GPR107: variants seen among roughly 807,000 people sequenced by gnomAD.
GPR107 encodes G protein-coupled receptor 107.
In GPR107, 31 loss-of-function variants were observed where a neutral mutation model predicts 75.5. That is an observed-to-expected ratio of 0.41 (90% CI 0.31 to 0.55). The LOEUF is 0.55. GPR107 is among the 20% of genes least tolerant of loss of function. GPR107 has a pLI of 0.26. For synonymous variants in GPR107, 267 were observed against 251.3 expected, an observed-to-expected ratio of 1.06 and a Z score of -0.59; for missense variants, 572 against 665.7, an observed-to-expected ratio of 0.86 and a Z score of 1.55.
intron 1 of GPR107, among the ~76,000 whole-genome samples, chr9:130,072,379 C>T (rs1396103106): frequency 6.6e-6 from 1 of 151,980 alleles, no homozygotes; most frequent in African/African-American, 2.4e-5. Flanking sequence ...GCCACCTCGC[C>T]CAGCTAATTT....
intron 2 of GPR107, among the ~76,000 whole-genome samples, chr9:130,076,116 T>C (rs544526656): frequency 6.4e-4 from 97 of 152,334 alleles, no homozygotes; most frequent in African/African-American, 2.3e-3. Context: ...GAGAGTCACC[T>C]TCCAACCCCA....
At chr9:130,059,973 C>G (rs959622932) in intron 1 of GPR107, among the ~76,000 whole-genome samples, 9 of 151,816 alleles carry the variant, frequency 5.9e-5, no homozygotes, top group Non-Finnish European at 1.2e-4. Flanking sequence ...CTCCTGACCT[C>G]AGGTGATTTA....
Position 130,112,273 on chromosome 9 carries a change from G to C in GPR107, c.1306+4734G>C, listed in dbSNP as rs1301495860. On this transcript the variant is annotated intron_variant, in intron 14 of 17. Coordinates refer to ENST00000347136, the MANE Select transcript of GPR107 (RefSeq NM_020960.5). The surrounding 1 kb of genome is among the most constrained non-coding windows in gnomAD (Gnocchi z 4.0). The stretch of plus-strand genomic sequence containing the variant: ...TGGAGGAACGGCTTCATTCCGAGGT[G>C]CCGCCGTGCTCTGAAAGGAGCCGCG... Among the ~76,000 whole-genome samples the C allele has an allele frequency of 3.3e-5, 5 of 152,240 alleles. No individual in the cohort carries two copies. The highest frequency in any genetic ancestry group is 7.3e-5 in the Non-Finnish European group (5 of 68,046).
intron 1 of GPR107, among the ~76,000 whole-genome samples, chr9:130,074,447 A>G (rs1426292564): frequency 1.3e-5 from 2 of 152,198 alleles, no homozygotes; most frequent in Non-Finnish European, 2.9e-5. Flanking sequence ...AAATCTCAAT[A>G]TAAAAATTGT....
intron 15 of GPR107, among the ~76,000 whole-genome samples, chr9:130,126,732 G>A (rs1259615177): frequency 1.3e-5 from 2 of 152,108 alleles, no homozygotes; most frequent in African/African-American, 2.4e-5. Context: ...GACTTCAGTG[G>A]TAGAGAGAGA....
At chr9:130,082,615 G>A (rs996636584) in intron 5 of GPR107, among the ~76,000 whole-genome samples, 6 of 151,638 alleles carry the variant, frequency 4.0e-5, no homozygotes, top group Admixed American at 6.6e-5. Context: ...GAGTAACTGG[G>A]ACTATAGGCA....
chr9:130,084,449 G>A (rs561605685), intron 6 of GPR107, among the ~76,000 whole-genome samples: 3 of 147,670 alleles, frequency 2.0e-5, no homozygotes, highest in Non-Finnish European at 4.4e-5. Context: ...CTATTTTGGG[G>A]GAGAGCATTG....
chr9:130,128,099 T>G (rs1831727877), intron 16 of GPR107, among the ~76,000 whole-genome samples: 1 of 152,208 alleles, frequency 6.6e-6, no homozygotes, highest in Non-Finnish European at 1.5e-5. Flanking sequence ...CATTCTTGAT[T>G]TTAGTTTTCA....
chr9:130,102,532 A>T lies in GPR107; in HGVS notation c.1131+1309A>T, dbSNP rs143090751. On this transcript the variant is annotated intron_variant, in intron 12 of 17. Coordinates refer to ENST00000347136, the MANE Select transcript of GPR107 (RefSeq NM_020960.5). ...GGACATTTAACAAATTAAGAAAGTC[A>T]TGAGTATTTAGACAATAGAACTAGT... 3.9e-5 allele frequency among the ~76,000 whole-genome samples: 6 copies of T among 152,342 alleles called. No individual in the cohort carries two copies. In the East Asian group the frequency reaches 1.2e-3, roughly 29 times the overall value.
At chr9:130,060,692 G>A (rs1056591302) in intron 1 of GPR107, among the ~76,000 whole-genome samples, 1 of 152,148 alleles carries the variant, frequency 6.6e-6, no homozygotes, top group Non-Finnish European at 1.5e-5. Context: ...TGCTGCAAAT[G>A]AGCAAGTGGA....
chr9:130,116,189 G>A (rs75891532), intron 14 of GPR107, among the ~76,000 whole-genome samples: 4,052 of 152,230 alleles, frequency 0.027, 80 homozygotes, highest in Middle Eastern at 0.041. Context: ...TAAAGTGTTG[G>A]GAATCTAGAA....
chr9:130,137,638 G>A lies in GPR107; in HGVS notation c.*2517G>A, dbSNP rs368476468. On this transcript the variant is annotated 3_prime_UTR_variant, in exon 18 of 18. Transcript: ENST00000347136. ...TGAAGCTCTCCATCCTGTTCTGTGA[G>A]TGTGTCTTCTCTTTCTCCTTCACGT... The A allele has an allele frequency of 1.3e-5, 2 of 152,248 alleles. No homozygotes were observed. The highest frequency in any genetic ancestry group is 3.8e-4 in the East Asian group (2 of 5,206). The allele number at this position is 152,248 out of a possible 1,614,324, so 9.4% of individuals were successfully genotyped here.
intron 5 of GPR107, chr9:130,083,191 G>C (rs1830534537): frequency 6.5e-6 from 1 of 153,490 alleles, no homozygotes; most frequent in South Asian, 2.0e-4. Flanking sequence ...AAAGTGTTGG[G>C]ATTGCAGGCA....
intron 1 of GPR107, among the ~76,000 whole-genome samples, chr9:130,075,115 G>A (rs1830310828): frequency 6.6e-6 from 1 of 152,072 alleles, no homozygotes; most frequent in African/African-American, 2.4e-5. Flanking sequence ...TTGGATTTCC[G>A]ATGAGTTGTC....
intron 9 of GPR107, among the ~76,000 whole-genome samples, chr9:130,094,157 G>T (rs1830806675): frequency 6.6e-6 from 1 of 152,076 alleles, no homozygotes; most frequent in African/African-American, 2.4e-5. Context: ...AAATTATCCA[G>T]TTGTGGGCTG....
chr9:130,119,426 C>T (rs1211667277), intron 14 of GPR107, among the ~76,000 whole-genome samples: 2 of 152,204 alleles, frequency 1.3e-5, no homozygotes, highest in East Asian at 1.9e-4. Flanking sequence ...GCCAACTGCT[C>T]ACTGCGAGCC....
chr9:130,076,491 T>C, intron 3 of GPR107, 29 bp downstream of exon 3: 5 of 1,368,914 alleles, frequency 3.7e-6, no homozygotes, highest in Non-Finnish European at 5.2e-6. Context: ...ACCTGATTCA[T>C]CTCTTCACCT....
Position 130,136,626 on chromosome 9 carries a change from G to A in GPR107, c.*1505G>A, listed in dbSNP as rs192265775. 8 of 152,340 alleles carry A rather than the reference G, an allele frequency of 5.3e-5. No individual in the cohort carries two copies. The East Asian group carries it at 1.3e-3, about 26-fold the overall frequency. 9.4% of individuals were successfully genotyped at this position (152,340 alleles called of 1,614,324 possible). On this transcript the variant is annotated 3_prime_UTR_variant, in exon 18 of 18. Transcript: ENST00000347136. ...CACAGGATGTGGGGTCACACTCACTGTCCCAAGTTTGGGAACCTGAAAAAG... is the reference window on the plus strand; with the variant it reads ...CACAGGATGTGGGGTCACACTCACTATCCCAAGTTTGGGAACCTGAAAAAG...
chr9:130,096,759 G>C (rs1830883540), intron 9 of GPR107, among the ~76,000 whole-genome samples: 1 of 152,062 alleles, frequency 6.6e-6, no homozygotes, highest in Non-Finnish European at 1.5e-5. Flanking sequence ...CGTCTGGCCT[G>C]ATTTTTGGAT....
Sources: allele counts gnomAD v4.1 joint callset (sites outside exome capture counted in the v4.1 genomes callset), GRCh38; gene constraint gnomAD v4.1.1; non-coding constraint Gnocchi (gnomAD v3.1); transcripts MANE v1.5; gene names NCBI Gene and HGNC (gene_info 2026-07-23, HGNC 2026-07-21).